The following PLVAP variants were observed in gnomAD, a reference collection of about 807,000 sequenced individuals.
The protein encoded by PLVAP is plasmalemma vesicle associated protein.
Under a neutral mutation model 43.1 loss-of-function variants are expected in PLVAP, and 34 were observed. The observed-to-expected ratio is 0.79, with a 90% CI of 0.60 to 1.05. The LOEUF is 1.05. Ranked by LOEUF, PLVAP falls within the 50% of genes least tolerant of loss-of-function variation. The pLI, the probability that PLVAP is intolerant of heterozygous loss-of-function variation, is 0.00. For missense variants in PLVAP, 574 were observed against 593.4 expected, an observed-to-expected ratio of 0.97 and a Z score of 0.34; for synonymous variants, 241 against 237.3, an observed-to-expected ratio of 1.02 and a Z score of -0.14.
Position 17,360,852 on chromosome 19 carries a change from G to A in PLVAP, c.1180-20C>T. 1 of 1,610,200 alleles carries A rather than the reference G, an allele frequency of 6.2e-7. No homozygotes were observed. The highest frequency in any genetic ancestry group is 8.5e-7 in the Non-Finnish European group (1 of 1,176,466). On this transcript the variant is annotated intron_variant, in intron 3 of 5. Coordinates refer to ENST00000252590, the MANE Select transcript of PLVAP (RefSeq NM_031310.3). ...CTGCGACTGTGAAAGAAAGATGGAG[G>A]GAGGTTGGTAGGAGCCAGGGCTTCC...
intron 3 of PLVAP, among the ~76,000 whole-genome samples, chr19:17,363,229 T>C (rs1283810718): frequency 6.6e-6 from 1 of 152,112 alleles, no homozygotes; most frequent in Non-Finnish European, 1.5e-5. Flanking sequence ...AGTGGTGCGA[T>C]CTGGGCTCGC....
At chr19:17,374,840 A>G (rs1355178681) in intron 1 of PLVAP, among the ~76,000 whole-genome samples, 1 of 136,570 alleles carries the variant, frequency 7.3e-6, no homozygotes, top group Non-Finnish European at 1.6e-5. Flanking sequence ...TTATTTTTAG[A>G]CAGAGTCTCC....
At position 17,352,136 on chromosome 19, in the gene PLVAP, T is replaced by G; in HGVS notation, c.*226A>C. The G allele has an allele frequency of 1.7e-6, 1 of 596,058 alleles. No homozygotes were observed. The highest frequency in any genetic ancestry group is 3.0e-6 in the Non-Finnish European group (1 of 334,206). The allele number at this position is 596,058 out of a possible 1,614,324, so 36.9% of individuals were successfully genotyped here. On this transcript the variant is annotated 3_prime_UTR_variant, in exon 6 of 6. Transcript: ENST00000252590. ...GATATGTGACGTCAGCGCCGTTGCT[T>G]GCGTGACGTCATCTCCGCGGCCGTG...
At chr19:17,352,865 A>C (rs35327080) in intron 5 of PLVAP, among the ~76,000 whole-genome samples, 26,861 of 152,216 alleles carry the variant, frequency 0.18, 2,426 homozygotes, top group Middle Eastern at 0.21. Flanking sequence ...GAGAAAGTCC[A>C]AACCTTACAA....
intron 1 of PLVAP, among the ~76,000 whole-genome samples, chr19:17,375,474 C>A (rs576516161): frequency 1.1e-4 from 16 of 152,190 alleles, no homozygotes; most frequent in Admixed American, 9.2e-4. Flanking sequence ...AAAAATGTTG[C>A]TGGCTGGGAA....
At chr19:17,366,806 T>G (rs1024618404) in intron 1 of PLVAP, among the ~76,000 whole-genome samples, 9 of 151,932 alleles carry the variant, frequency 5.9e-5, no homozygotes, top group South Asian at 2.1e-4. Flanking sequence ...TAATTTGTTT[T>G]TTTGTTTTTG....
At chr19:17,374,524 A>G (rs1342915607) in intron 1 of PLVAP, among the ~76,000 whole-genome samples, 1 of 152,008 alleles carries the variant, frequency 6.6e-6, no homozygotes, top group African/African-American at 2.4e-5. Flanking sequence ...ATGAGTTAAT[A>G]TTTCTAAATT....
chr19:17,368,064 ATTTTTTTT>A (rs34115667), intron 1 of PLVAP, among the ~76,000 whole-genome samples: 2 of 76,028 alleles, frequency 2.6e-5, no homozygotes, highest in East Asian at 3.4e-4. Flanking sequence ...TGCCCGGCTA[ATTTTTTTT>A]TTTTTTTTTT....
In PLVAP at chr19:17,359,620, G is replaced by A. The variant is rs190545870; in HGVS notation, c.1322+908C>T. ...GGGGTTTCACCATGTTGGCCAGATG[G>A]TCTTGATCTCTTGACCTCATGATCC... On this transcript the variant is annotated intron_variant, in intron 5 of 5. Coordinates refer to ENST00000252590, the MANE Select transcript of PLVAP (RefSeq NM_031310.3). 5.7e-3 allele frequency among the ~76,000 whole-genome samples: 860 copies of A among 151,462 alleles called. 4 individuals are homozygous for A. The highest frequency in any genetic ancestry group is 0.018 in the African/African-American group (751 of 41,236).
chr19:17,355,572 A>G (rs1449931437), intron 5 of PLVAP, among the ~76,000 whole-genome samples: 1 of 142,998 alleles, frequency 7.0e-6, no homozygotes, highest in Non-Finnish European at 1.5e-5. Flanking sequence ...TCTGTAGCCC[A>G]GGCTGGAGTG....
chr19:17,364,231 G>A (rs1276088773), intron 3 of PLVAP, among the ~76,000 whole-genome samples: 1 of 151,998 alleles, frequency 6.6e-6, no homozygotes, highest in Non-Finnish European at 1.5e-5. Flanking sequence ...GATTACAGAC[G>A]CACGCCGCCA....
chr19:17,353,767 G>C (rs1319603184), intron 5 of PLVAP, among the ~76,000 whole-genome samples: 2 of 152,092 alleles, frequency 1.3e-5, no homozygotes. Flanking sequence ...AAGGACCCTT[G>C]AGTGACCCGT....
At chr19:17,364,854 C>A (rs2074542183) in intron 3 of PLVAP, among the ~76,000 whole-genome samples, 2 of 146,414 alleles carry the variant, frequency 1.4e-5, no homozygotes, top group African/African-American at 5.1e-5. Context: ...CTCACTGCAA[C>A]CTCCACCTCC....
intron 1 of PLVAP, 22 bp from the exon 2 acceptor site, chr19:17,366,217 G>A: frequency 6.2e-7 from 1 of 1,612,062 alleles, no homozygotes; most frequent in Non-Finnish European, 8.5e-7. Context: ...ATAGGGGAAG[G>A]ACGCAGGACA....
chr19:17,366,214 A>G lies in PLVAP; in HGVS notation c.370-19T>C, dbSNP rs1161497540. The G allele has an allele frequency of 6.2e-6, 10 of 1,612,482 alleles. No homozygotes were observed. Among genetic ancestry groups the G allele is most frequent in the Non-Finnish European group, 7.6e-6 (9 of 1,178,758 alleles). Reference sequence around the variant, plus strand: ...AGATGACCTGCCCGGAAGATAGGGGAAGGACGCAGGACAGAGCTTAGTGTC... The same window carrying G: ...AGATGACCTGCCCGGAAGATAGGGGGAGGACGCAGGACAGAGCTTAGTGTC... On this transcript the variant is annotated intron_variant, in intron 1 of 5. Coordinates refer to ENST00000252590, the MANE Select transcript of PLVAP (RefSeq NM_031310.3).
chr19:17,374,178 A>T (rs1027411258), intron 1 of PLVAP, among the ~76,000 whole-genome samples: 1 of 151,086 alleles, frequency 6.6e-6, no homozygotes, highest in African/African-American at 2.4e-5. Flanking sequence ...ACAAAATAAA[A>T]CAAAACAGCC....
At chr19:17,358,445 G>C (rs1289292813) in intron 5 of PLVAP, among the ~76,000 whole-genome samples, 1 of 152,126 alleles carries the variant, frequency 6.6e-6, no homozygotes, top group Non-Finnish European at 1.5e-5. Context: ...CACAGTGGTT[G>C]GGGTCAAAGG....
chr19:17,355,293 G>T (rs1246168368), intron 5 of PLVAP, among the ~76,000 whole-genome samples: 3 of 150,384 alleles, frequency 2.0e-5, no homozygotes. Context: ...TTTAAAAAAA[G>T]CTCTTCCCAT....
intron 1 of PLVAP, among the ~76,000 whole-genome samples, chr19:17,376,055 A>C (rs1349052913): frequency 6.6e-6 from 1 of 151,164 alleles, no homozygotes; most frequent in Non-Finnish European, 1.5e-5. Context: ...TGGCATGTCC[A>C]TAGTGCCAGC....
Sources: allele counts gnomAD v4.1 joint callset (sites outside exome capture counted in the v4.1 genomes callset), GRCh38; gene constraint gnomAD v4.1.1; transcripts MANE v1.5; gene names NCBI Gene and HGNC (gene_info 2026-07-23, HGNC 2026-07-21).